Variants in STK3 observed in about 807,000 individuals in gnomAD.
STK3 encodes serine/threonine-protein kinase 3.
A neutral mutation model predicts 58.0 loss-of-function variants in STK3; 41 were observed. The ratio of observed to expected loss-of-function variants is 0.71; its 90% confidence interval spans 0.55 to 0.92. STK3 has a LOEUF of 0.92. STK3 is among the 40% of genes least tolerant of loss of function. The pLI, the probability that STK3 is intolerant of heterozygous loss-of-function variation, is 0.00. For missense variants in STK3, 479 were observed against 602.7 expected (o/e 0.79, Z 2.15); for synonymous variants, 170 against 191.0 (o/e 0.89, Z 0.91).
At chr8:98,354,016 G>T in the STK3 span, among the ~76,000 whole-genome samples, 5 of 152,174 alleles carry the variant, frequency 3.3e-5, no homozygotes, top group Non-Finnish European at 5.9e-5. Context: ...TTTGGGGCAG[G>T]CCTGAGCCTG....
chr8:98,723,338 C>T (rs534559643), intron 4 of STK3, among the ~76,000 whole-genome samples: 7 of 152,070 alleles, frequency 4.6e-5, no homozygotes, highest in South Asian at 4.1e-4. Context: ...TTTCATTGTA[C>T]GAAAACAAAA....
At chr8:98,512,906 C>A (rs932061555) in intron 10 of STK3, among the ~76,000 whole-genome samples, 1 of 151,920 alleles carries the variant, frequency 6.6e-6, no homozygotes, top group Non-Finnish European at 1.5e-5. Flanking sequence ...ATGTCTATAC[C>A]CAAATGCTCC....
chr8:98,675,849 G>A (rs984181946), intron 6 of STK3, among the ~76,000 whole-genome samples: 1 of 151,390 alleles, frequency 6.6e-6, no homozygotes, highest in Non-Finnish European at 1.5e-5. Context: ...GGGTGACAGA[G>A]CGAGACTCTG....
intron 6 of STK3, among the ~76,000 whole-genome samples, chr8:98,677,288 T>C (rs908286273): frequency 1.2e-4 from 19 of 152,030 alleles, no homozygotes; most frequent in South Asian, 4.2e-4. Flanking sequence ...CCTCATGCCA[T>C]TAAAATCTTC....
intron 4 of STK3, among the ~76,000 whole-genome samples, chr8:98,724,162 G>T (rs565884863): frequency 6.6e-6 from 1 of 152,254 alleles, no homozygotes; most frequent in Admixed American, 6.5e-5. Flanking sequence ...ATTAGCAATA[G>T]GAGCACTCCA....
At chr8:98,508,286 T>C (rs1824247532) in intron 10 of STK3, among the ~76,000 whole-genome samples, 1 of 152,160 alleles carries the variant, frequency 6.6e-6, no homozygotes, top group African/African-American at 2.4e-5. Flanking sequence ...TTATCATAGG[T>C]GGCAAATTCC....
In STK3 at chr8:98,825,603, G is replaced by T; in HGVS notation, c.-63C>A. Reference sequence around the variant, plus strand: ...GAAGGCCGAAAGGAGGAAAGGAGCCGGGGCACCGGCCGGCCGAGCCTAGGG... The same window carrying T: ...GAAGGCCGAAAGGAGGAAAGGAGCCTGGGCACCGGCCGGCCGAGCCTAGGG... On this transcript the variant is annotated 5_prime_UTR_variant, in exon 1 of 11. Coordinates refer to ENST00000419617, the MANE Select transcript of STK3 (RefSeq NM_006281.4). The T allele has an allele frequency of 7.3e-7, 1 of 1,375,070 alleles. No homozygotes were observed. Among genetic ancestry groups the T allele is most frequent in the South Asian group, 1.6e-5 (1 of 63,732 alleles). 85.2% of individuals were successfully genotyped at this position (1,375,070 alleles called of 1,614,324 possible).
chr8:98,793,340 T>A (rs920975251), intron 1 of STK3, among the ~76,000 whole-genome samples: 38 of 151,752 alleles, frequency 2.5e-4, no homozygotes, highest in African/African-American at 7.0e-4. Flanking sequence ...TAAAAAAAAA[T>A]TTTAATAAAA....
intron 8 of STK3, among the ~76,000 whole-genome samples, chr8:98,566,800 C>T (rs528172253): frequency 6.6e-6 from 1 of 152,086 alleles, no homozygotes; most frequent in Non-Finnish European, 1.5e-5. Flanking sequence ...CTGAAAAGAC[C>T]TTTCATCCAT....
At chr8:98,647,946 T>C (rs1820531496) in intron 6 of STK3, among the ~76,000 whole-genome samples, 1 of 152,240 alleles carries the variant, frequency 6.6e-6, no homozygotes, top group Non-Finnish European at 1.5e-5. Context: ...GGTATCTTTT[T>C]TGCCTCAATG....
chr8:98,440,921 C>A (rs926070125), intron 1 of STK3, among the ~76,000 whole-genome samples: 1 of 152,128 alleles, frequency 6.6e-6, no homozygotes. Flanking sequence ...AGGTACAGAG[C>A]CCATGCTCAA....
intron 8 of STK3, among the ~76,000 whole-genome samples, chr8:98,562,112 T>C (rs1030648500): frequency 1.3e-5 from 2 of 152,170 alleles, no homozygotes; most frequent in African/African-American, 4.8e-5. Flanking sequence ...GGCAGTTTCT[T>C]ACTAAGCTGA....
intron 9 of STK3, among the ~76,000 whole-genome samples, chr8:98,531,841 C>T (rs1586794409): frequency 2.0e-5 from 3 of 152,324 alleles, no homozygotes; most frequent in South Asian, 2.1e-4. Flanking sequence ...TTTCCTTAAA[C>T]GTCATGAACC....
At chr8:98,345,249 T>A in the STK3 span, among the ~76,000 whole-genome samples, 2 of 152,024 alleles carry the variant, frequency 1.3e-5, no homozygotes, top group African/African-American at 2.4e-5. Flanking sequence ...ACTTTAATCA[T>A]GGAAAGATGA....
At chr8:98,753,970 C>A (rs1436264809) in intron 3 of STK3, among the ~76,000 whole-genome samples, 1 of 152,142 alleles carries the variant, frequency 6.6e-6, no homozygotes, top group Non-Finnish European at 1.5e-5. Flanking sequence ...TCATACTGCT[C>A]TCCTAGTTAA....
At chr8:98,787,152 A>G (rs1264750464) in intron 1 of STK3, among the ~76,000 whole-genome samples, 27 of 118,850 alleles carry the variant, frequency 2.3e-4, no homozygotes, top group Non-Finnish European at 3.6e-4. Context: ...CTGGCAACAG[A>G]GCGAGACTCC....
chr8:98,630,256 GAAT>G (rs1225028173), intron 6 of STK3, among the ~76,000 whole-genome samples: 5 of 152,180 alleles, frequency 3.3e-5, no homozygotes, highest in East Asian at 1.9e-4. Context: ...CACCATATTT[GAAT>G]AATAATATAA....
intron 3 of STK3, chr8:98,413,651 A>G (rs978861311): frequency 9.9e-6 from 8 of 807,926 alleles, no homozygotes; most frequent in Non-Finnish European, 1.3e-5. Flanking sequence ...CACAAACCGT[A>G]GAAAAGCAGT....
rs939533779 is a variant in STK3 at position 98,572,921 on chromosome 8, GT to G, written c.948+6742del. Among the ~76,000 whole-genome samples, 7 of 151,532 alleles carry G rather than the reference GT, an allele frequency of 4.6e-5. No homozygotes were observed. In the East Asian group the frequency reaches 1.4e-3, roughly 30 times the overall value. ...CTAAGCTTTGCCCCAGAGAATAAAT[GT>G]TTATTCAGGAAAAAAAAATCATAAA... is the stretch of plus-strand genomic sequence containing the variant. On this transcript the variant is annotated intron_variant, in intron 8 of 10. Transcript: ENST00000419617.
Sources: allele counts gnomAD v4.1 joint callset (sites outside exome capture counted in the v4.1 genomes callset), GRCh38; gene constraint gnomAD v4.1.1; transcripts MANE v1.5; gene names NCBI Gene and HGNC (gene_info 2026-07-23, HGNC 2026-07-21).